Variants in GFOD1 observed in about 807,000 individuals in gnomAD.
GFOD1 encodes the protein glucose-fructose oxidoreductase domain-containing protein 1.
A neutral mutation model predicts 25.4 loss-of-function variants in GFOD1; 9 were observed. The ratio of observed to expected loss-of-function variants is 0.35; its 90% CI spans 0.21 to 0.62. The LOEUF (loss-of-function observed/expected upper bound fraction) is 0.62. GFOD1 is among the 20% of genes least tolerant of loss of function. The pLI is 0.72. For missense variants in GFOD1, 403 were observed against 556.9 expected (o/e 0.72, Z 2.78); for synonymous variants, 253 against 245.6 (o/e 1.03, Z -0.28).
chr6:13,459,025 A>G (rs1758243419), intron 1 of GFOD1, among the ~76,000 whole-genome samples: 1 of 152,144 alleles, frequency 6.6e-6, no homozygotes, highest in Non-Finnish European at 1.5e-5. Flanking sequence ...TGAATTGGAA[A>G]CTTAATCCCC....
At position 13,365,921 on chromosome 6, in the gene GFOD1, A is replaced by AATAATAATG. The variant is rs956602454; in HGVS notation, c.254-260_254-259insCATTATTAT. Reference sequence around the variant, plus strand: ...TAATAATAATAATAATAATAATAATAATGAGCCGGGCGTGGTGGTGCACGC... The same window carrying AATAATAATG: ...TAATAATAATAATAATAATAATAATAATAATAATGATGAGCCGGGCGTGGTGGTGCACGC... On this transcript the variant is annotated intron_variant, in intron 1 of 1. Transcript: ENST00000379287. This position sits in a 1 kb window ranked among gnomAD's most constrained non-coding sequence, Gnocchi z 9.2. Among the ~76,000 whole-genome samples the AATAATAATG allele has an allele frequency of 7.9e-6, 1 of 125,892 alleles. No individual in the cohort carries two copies. Among genetic ancestry groups the AATAATAATG allele is most frequent in the African/African-American group, 2.8e-5 (1 of 36,254 alleles). 82.6% of individuals were successfully genotyped at this position (125,892 alleles called of 152,430 possible).
At chr6:13,401,804 T>C (rs1310192791) in intron 1 of GFOD1, among the ~76,000 whole-genome samples, 1 of 152,198 alleles carries the variant, frequency 6.6e-6, no homozygotes, top group African/African-American at 2.4e-5. Context: ...TTGCTTTCTA[T>C]GTAGAAATTC....
chr6:13,478,901 C>G, intron 1 of GFOD1, among the ~76,000 whole-genome samples: 1 of 152,040 alleles, frequency 6.6e-6, no homozygotes, highest in East Asian at 1.9e-4. Context: ...GGGAAACCCC[C>G]CTAAGCACCC....
intron 1 of GFOD1, chr6:13,486,411 A>C: frequency 3.3e-6 from 2 of 599,662 alleles, no homozygotes; most frequent in Non-Finnish European, 5.9e-6. Context: ...CACGTGGGGA[A>C]GCGCGTCCAA....
intron 1 of GFOD1, among the ~76,000 whole-genome samples, chr6:13,415,473 C>A (rs1786148625): frequency 6.6e-6 from 1 of 152,214 alleles, no homozygotes; most frequent in Non-Finnish European, 1.5e-5. Flanking sequence ...GAACACAACA[C>A]AACTCTGAAG....
chr6:13,382,782 G>A (rs1477624120), intron 1 of GFOD1, among the ~76,000 whole-genome samples: 4 of 152,132 alleles, frequency 2.6e-5, no homozygotes, highest in Admixed American at 6.5e-5. Context: ...ATTAAGCCCA[G>A]CATGCATTAG....
At chr6:13,385,589 C>T (rs1364850299) in intron 1 of GFOD1, among the ~76,000 whole-genome samples, 5 of 152,294 alleles carry the variant, frequency 3.3e-5, no homozygotes, top group South Asian at 4.1e-4. Flanking sequence ...TGCAGTAAGA[C>T]AAGCCAATCA....
At chr6:13,397,788 T>A (rs1430288558) in intron 1 of GFOD1, among the ~76,000 whole-genome samples, 1 of 152,246 alleles carries the variant, frequency 6.6e-6, no homozygotes, top group Non-Finnish European at 1.5e-5. Context: ...CGGCACATTC[T>A]ATTACTAACA....
rs59769742 is a variant in GFOD1 at position 13,421,057 on chromosome 6, A to C, written c.254-55395T>G. On this transcript the variant is annotated intron_variant, in intron 1 of 1. Transcript: ENST00000379287. Reference sequence around the variant, plus strand: ...ATTCTTAGCCCAGTGCCTGGCACACAGTGAGTATTCAATAAGGGGTAGATA... The same window carrying C: ...ATTCTTAGCCCAGTGCCTGGCACACCGTGAGTATTCAATAAGGGGTAGATA... Among the ~76,000 whole-genome samples, 1,367 of 152,360 alleles carry C rather than the reference A, an allele frequency of 9.0e-3. 23 individuals carry two copies. Among genetic ancestry groups the C allele is most frequent in the African/African-American group, 0.028 (1,176 of 41,584 alleles).
At chr6:13,471,339 C>A (rs13436985) in intron 1 of GFOD1, among the ~76,000 whole-genome samples, 4,741 of 152,146 alleles carry the variant, frequency 0.031, 240 homozygotes, top group African/African-American at 0.11. Context: ...CTTACCTCCC[C>A]GAGAGGATGG....
chr6:13,387,871 T>A (rs1357099879), intron 1 of GFOD1, among the ~76,000 whole-genome samples: 2 of 152,184 alleles, frequency 1.3e-5, no homozygotes, highest in Non-Finnish European at 1.5e-5. Context: ...GAAAACCCCA[T>A]CATCTCAGCC....
chr6:13,381,709 G>C (rs900780025), intron 1 of GFOD1, among the ~76,000 whole-genome samples: 1 of 152,250 alleles, frequency 6.6e-6, no homozygotes, highest in East Asian at 1.9e-4. Context: ...CAGAGAACAA[G>C]GACAGAGGCC....
intron 1 of GFOD1, among the ~76,000 whole-genome samples, chr6:13,481,102 C>T (rs1215686402): frequency 6.6e-6 from 1 of 152,148 alleles, no homozygotes; most frequent in Non-Finnish European, 1.5e-5. Flanking sequence ...GGGAAACAAA[C>T]AGCAAGCAAG....
intron 1 of GFOD1, among the ~76,000 whole-genome samples, chr6:13,436,948 G>A (rs1411251805): frequency 6.6e-6 from 1 of 152,204 alleles, no homozygotes; most frequent in Non-Finnish European, 1.5e-5. Flanking sequence ...CAGCTCATAT[G>A]GACAGCCCCA....
At chr6:13,460,313 G>A (rs1337407325) in intron 1 of GFOD1, among the ~76,000 whole-genome samples, 1 of 152,114 alleles carries the variant, frequency 6.6e-6, no homozygotes, top group Non-Finnish European at 1.5e-5. Flanking sequence ...CCATTACTAG[G>A]TATATACTCA....
intron 1 of GFOD1, among the ~76,000 whole-genome samples, chr6:13,468,670 C>T (rs1758420575): frequency 6.6e-6 from 1 of 152,174 alleles, no homozygotes. Context: ...CCACTCAGTT[C>T]CTCTGAGACT....
intron 1 of GFOD1, among the ~76,000 whole-genome samples, chr6:13,401,214 C>G (rs2127563465): frequency 6.6e-6 from 1 of 152,308 alleles, no homozygotes; most frequent in Non-Finnish European, 1.5e-5. Context: ...AAGAGGGACT[C>G]TTAGAAAACG....
rs1314544432 is a variant in GFOD1, at chr6:13,360,336, A to G, written c.*4407T>C. Reference sequence around the variant, plus strand: ...CCAGAATGCAAGAGATCAGATCAGAAACCCAACTTATGATCACAGGCCAAA... The same window carrying G: ...CCAGAATGCAAGAGATCAGATCAGAGACCCAACTTATGATCACAGGCCAAA... On this transcript the variant is annotated 3_prime_UTR_variant, in exon 2 of 2. Transcript: ENST00000379287. The G allele has an allele frequency of 3.7e-6, 1 of 270,618 alleles. No individual in the cohort carries two copies. The highest frequency in any genetic ancestry group is 7.3e-6 in the Non-Finnish European group (1 of 136,572). The allele number at this position is 270,618 out of a possible 1,614,324, so 16.8% of individuals were successfully genotyped here.
At chr6:13,381,028 A>C (rs1444675606) in intron 1 of GFOD1, among the ~76,000 whole-genome samples, 3 of 152,134 alleles carry the variant, frequency 2.0e-5, no homozygotes, top group East Asian at 3.8e-4. Flanking sequence ...CCCAATGACA[A>C]CCACTGAGCT....
Sources: gnomAD v4.1 joint callset for allele counts (sites outside exome capture counted in the v4.1 genomes callset) on GRCh38, gnomAD v4.1.1 for gene constraint, Gnocchi (gnomAD v3.1) non-coding constraint, MANE v1.5 for transcripts, NCBI Gene and HGNC (gene_info 2026-07-23, HGNC 2026-07-21) for gene names.